Variants in TSPEAR observed in about 807,000 individuals in gnomAD.
TSPEAR encodes thrombospondin type laminin G domain and EAR repeats.
Under a neutral mutation model 71.6 loss-of-function variants are expected in TSPEAR, and 69 were observed. The observed-to-expected ratio is 0.96, with a 90% CI of 0.79 to 1.18. The LOEUF (loss-of-function observed/expected upper bound fraction) is 1.18, where lower values mean the gene tolerates loss of function less well. TSPEAR is among the 50% of genes most tolerant of loss of function. TSPEAR has a pLI of 0.00. For missense variants in TSPEAR, 971 were observed against 894.9 expected (o/e 1.09, Z -1.09); for synonymous variants, 402 against 387.2 (o/e 1.04, Z -0.45).
chr21:44,522,057 G>C lies in TSPEAR; in HGVS notation c.1392C>G (p.Leu464=), dbSNP rs1555914357. 1 of 1,614,174 alleles carries C rather than the reference G, an allele frequency of 6.2e-7. No homozygotes were observed. Among genetic ancestry groups the C allele is most frequent in the Admixed American group, 1.7e-5 (1 of 60,030 alleles). ...VIYKWNPATR[L]FEANQTIATS... The stretch of plus-strand genomic sequence containing the variant: ...TGGCGATGGTCTGGTTGGCCTCGAA[G>C]AGCCGGGTTGCCGGGTTCCACTTGT... Residue 464 remains leucine, a synonymous_variant, in exon 9 of 12, where the codon CTC becomes CTG. Transcript: ENST00000323084.
chr21:44,579,248 C>A (rs1181915017), intron 1 of TSPEAR, among the ~76,000 whole-genome samples: 6 of 152,122 alleles, frequency 3.9e-5, no homozygotes, highest in African/African-American at 1.4e-4. Context: ...AATGACCAGG[C>A]TCAGGAAGAC....
At chr21:44,544,751 C>T (rs960955975) in intron 2 of TSPEAR, among the ~76,000 whole-genome samples, 24 of 152,212 alleles carry the variant, frequency 1.6e-4, no homozygotes, top group African/African-American at 5.8e-4. Flanking sequence ...AGGAGCCAGC[C>T]ACAGACCAGG....
intron 1 of TSPEAR, among the ~76,000 whole-genome samples, chr21:44,706,141 C>T (rs1555952290): frequency 2.0e-5 from 3 of 152,238 alleles, no homozygotes; most frequent in Admixed American, 2.0e-4. Flanking sequence ...CCCCCAGACC[C>T]TTCCCAGTGC....
At chr21:44,535,192 CTG>C (rs2053067670) in intron 2 of TSPEAR, among the ~76,000 whole-genome samples, 1 of 152,048 alleles carries the variant, frequency 6.6e-6, no homozygotes, top group South Asian at 2.1e-4. Flanking sequence ...ATGCCACTGA[CTG>C]TACCCTTAAA....
In TSPEAR at chr21:44,612,225, A is replaced by G. The variant is rs1555931159; in HGVS notation, c.83-44220T>C. The G allele has an allele frequency of 2.5e-6, 4 of 1,613,878 alleles. No homozygotes were observed. The African/African-American group carries it at 4.0e-5, about 16-fold the overall frequency. ...AGCACCTGCACTGGCTCCTCCTGGC[A>G]GGTGGACAATTGCCAGGAAAGCTGC... is the stretch of plus-strand genomic sequence containing the variant. On this transcript the variant is annotated intron_variant, in intron 1 of 11. Coordinates refer to ENST00000323084, the MANE Select transcript of TSPEAR (RefSeq NM_144991.3). This position sits in a 1 kb window ranked among gnomAD's most constrained non-coding sequence, Gnocchi z 4.1.
intron 6 of TSPEAR, 143 bp from the exon 7 acceptor site, chr21:44,527,661 G>A (rs2052885240): frequency 5.2e-6 from 4 of 763,880 alleles, no homozygotes; most frequent in South Asian, 1.8e-5. Flanking sequence ...TCCACGTTTC[G>A]CTCTCACAGG....
At chr21:44,528,630 C>T in intron 5 of TSPEAR, 47 bp from the exon 6 acceptor site, 1 of 1,604,666 alleles carries the variant, frequency 6.2e-7, no homozygotes, top group Non-Finnish European at 8.5e-7. Flanking sequence ...CCAGTGCCCC[C>T]AAAGGAAGAC....
intron 2 of TSPEAR, among the ~76,000 whole-genome samples, chr21:44,553,181 A>G (rs1158521580): frequency 6.6e-6 from 1 of 152,262 alleles, no homozygotes; most frequent in African/African-American, 2.4e-5. Context: ...GAATTTCGGC[A>G]TTAACTTCTT....
chr21:44,636,831 C>T (rs1356320118), intron 1 of TSPEAR, among the ~76,000 whole-genome samples: 2 of 152,222 alleles, frequency 1.3e-5, no homozygotes, highest in Non-Finnish European at 2.9e-5. Context: ...AGAGGCCTTG[C>T]CAGAACATTC....
At chr21:44,512,439 G>A (rs2052417708) in intron 9 of TSPEAR, among the ~76,000 whole-genome samples, 1 of 152,104 alleles carries the variant, frequency 6.6e-6, no homozygotes, top group Non-Finnish European at 1.5e-5. Context: ...TACATCCCTA[G>A]GGATGGAGAC....
At chr21:44,697,913 CCCA>C (rs1555951007) in intron 1 of TSPEAR, 6 of 1,612,308 alleles carry the variant, frequency 3.7e-6, no homozygotes. Flanking sequence ...CCTCTGCCGC[CCCA>C]CATGTTCCCG....
chr21:44,553,139 C>A (rs1393831452), intron 2 of TSPEAR, among the ~76,000 whole-genome samples: 5 of 152,240 alleles, frequency 3.3e-5, no homozygotes, highest in Non-Finnish European at 7.3e-5. Context: ...CGCCAGGGAG[C>A]ATTCCAAGCA....
intron 9 of TSPEAR, chr21:44,517,814 G>A (rs1487384749): frequency 6.6e-5 from 31 of 471,124 alleles, no homozygotes; most frequent in Non-Finnish European, 1.2e-4. Flanking sequence ...CCAGGCTGCC[G>A]CGGCTCCTGT....
intron 1 of TSPEAR, among the ~76,000 whole-genome samples, chr21:44,688,851 G>A (rs901807700): frequency 6.6e-6 from 1 of 152,218 alleles, no homozygotes; most frequent in Non-Finnish European, 1.5e-5. Context: ...GGCTGCAGTG[G>A]AGAGGGGGAC....
At chr21:44,551,223 C>T (rs782391999) in intron 2 of TSPEAR, 1 of 1,590,890 alleles carries the variant, frequency 6.3e-7, no homozygotes, top group Non-Finnish European at 8.6e-7. Flanking sequence ...CTGCTGGCAG[C>T]ACGAGGGCGT....
chr21:44,664,873 CG>C, intron 1 of TSPEAR, among the ~76,000 whole-genome samples: 1 of 152,334 alleles, frequency 6.6e-6, no homozygotes, highest in African/African-American at 2.4e-5. Flanking sequence ...CTCCAGAGGG[CG>C]GGGGCTGAGC....
At chr21:44,529,975 C>G (rs374253951) in intron 4 of TSPEAR, 21 bp from the exon 5 acceptor site, 3 of 1,562,082 alleles carry the variant, frequency 1.9e-6, no homozygotes, top group Non-Finnish European at 2.6e-6. Context: ...AGGGACAGCT[C>G]CTTCAGGCCC....
chr21:44,541,753 C>A (rs985055008), intron 2 of TSPEAR, among the ~76,000 whole-genome samples: 1 of 152,136 alleles, frequency 6.6e-6, no homozygotes, highest in Non-Finnish European at 1.5e-5. Flanking sequence ...GGGCTACTCC[C>A]TAGGAGGAAG....
Position 44,711,478 on chromosome 21 carries a change from G to C in TSPEAR, c.37C>G (p.Leu13Val). ...TGCGTGCCGTGGCCGGGGGCCGCCA[G>C]GGGCAGCACAAAACACAGACTCAGC... is the stretch of plus-strand genomic sequence containing the variant. ...ALLSLCFVLP[L>V]AAPGHGTQGW... The change falls in exon 1 of 12, where the codon CTG becomes GTG. Residue 13 changes from leucine to valine, a missense_variant. Coordinates refer to ENST00000323084, the MANE Select transcript of TSPEAR (RefSeq NM_144991.3). The surrounding 1 kb of genome is among the most constrained non-coding windows in gnomAD (Gnocchi z 4.5). The C allele has an allele frequency of 6.2e-7, 1 of 1,611,878 alleles. No homozygotes were observed. Among genetic ancestry groups the C allele is most frequent in the Non-Finnish European group, 8.5e-7 (1 of 1,179,382 alleles).
Sources: gnomAD v4.1 joint callset for allele counts (sites outside exome capture counted in the v4.1 genomes callset) on GRCh38, gnomAD v4.1.1 for gene constraint, Gnocchi (gnomAD v3.1) non-coding constraint, MANE v1.5 for transcripts, NCBI Gene and HGNC (gene_info 2026-07-23, HGNC 2026-07-21) for gene names.